The following GRIK3 variants were observed in gnomAD, a reference collection of about 807,000 sequenced individuals.
GRIK3 encodes glutamate ionotropic receptor kainate type subunit 3.
GRIK3 carries 29 observed loss-of-function variants against 102.5 expected under a neutral mutation model. That is an observed-to-expected ratio of 0.28 (90% confidence interval 0.21 to 0.39). The LOEUF (loss-of-function observed/expected upper bound fraction) is 0.39, where lower values mean the gene tolerates loss of function less well. Among genes scored for constraint, GRIK3 ranks in the 10% least tolerant of loss-of-function variants. The pLI is 1.00. For missense variants in GRIK3, 908 were observed against 1,252.4 expected (o/e 0.73, Z 4.15); for synonymous variants, 511 against 504.9 (o/e 1.01, Z -0.16).
At chr1:36,965,158 C>A (rs1642065931) in intron 1 of GRIK3, among the ~76,000 whole-genome samples, 1 of 152,160 alleles carries the variant, frequency 6.6e-6, no homozygotes, top group African/African-American at 2.4e-5. Flanking sequence ...CCATCCTAGA[C>A]TTCTATTTCC....
At chr1:36,974,940 A>C (rs1642180217) in intron 1 of GRIK3, among the ~76,000 whole-genome samples, 1 of 152,376 alleles carries the variant, frequency 6.6e-6, no homozygotes, top group Middle Eastern at 3.4e-3. Flanking sequence ...AGGTACCTAG[A>C]ATAGGCACCT....
rs200805108 is a variant in GRIK3, at chr1:37,034,025, G to T, written c.84C>A (p.Asp28Glu). 6.6e-4 allele frequency: 1,051 copies of T among 1,602,832 alleles called. 3 individuals carry two copies. The African/African-American group carries it at 7.3e-3, about 11-fold the overall frequency. ...GGATGACGTGGGGCATCCCGCGCGAGTCCGGGATCCAGAAGGCGCACACGA... is the reference window on the plus strand; with the variant it reads ...GGATGACGTGGGGCATCCCGCGCGATTCCGGGATCCAGAAGGCGCACACGA... ...GLLVCAFWIP[D>E]SRGMPHVIRI... The change falls in exon 1 of 16, where the codon GAC becomes GAA. Residue 28 changes from aspartate to glutamate, a missense_variant. Asp to Glu is a conservative substitution (Grantham distance 45). Coordinates refer to ENST00000373091, the MANE Select transcript of GRIK3 (RefSeq NM_000831.4).
Position 36,833,303 on chromosome 1 carries a change from C to G in GRIK3, c.1531-7477G>C, listed in dbSNP as rs547896693. 4.6e-5 allele frequency among the ~76,000 whole-genome samples: 7 copies of G among 152,260 alleles called. No homozygotes were observed. The East Asian group carries it at 1.4e-3, about 29-fold the overall frequency. On this transcript the variant is annotated intron_variant, in intron 10 of 15. Coordinates refer to ENST00000373091, the MANE Select transcript of GRIK3 (RefSeq NM_000831.4). ...TTAGAGCCTGCTGCTTGTGCCCTGGCCCCGGATGAACCCACCTGAACATTG... is the reference window on the plus strand; with the variant it reads ...TTAGAGCCTGCTGCTTGTGCCCTGGGCCCGGATGAACCCACCTGAACATTG...
chr1:36,977,054 C>A (rs1398857861), intron 1 of GRIK3, among the ~76,000 whole-genome samples: 1 of 152,094 alleles, frequency 6.6e-6, no homozygotes, highest in East Asian at 1.9e-4. Flanking sequence ...GCTGTCAGTC[C>A]CCTCCCCTCC....
chr1:36,813,039 CTTCACT>C (rs1341408547), intron 13 of GRIK3, among the ~76,000 whole-genome samples: 1 of 152,192 alleles, frequency 6.6e-6, no homozygotes, highest in Non-Finnish European at 1.5e-5. Flanking sequence ...CTGACTGTGG[CTTCACT>C]TTTCCCCAAC....
chr1:36,824,505 C>A (rs895678639), intron 11 of GRIK3, among the ~76,000 whole-genome samples: 2 of 152,128 alleles, frequency 1.3e-5, no homozygotes, highest in African/African-American at 4.8e-5. Flanking sequence ...TCCCTTTGGT[C>A]TCTCACAGCG....
chr1:36,856,329 G>A (rs1022244891), intron 7 of GRIK3, among the ~76,000 whole-genome samples: 1 of 152,246 alleles, frequency 6.6e-6, no homozygotes, highest in Non-Finnish European at 1.5e-5. Context: ...CTGTGGGCGG[G>A]TGGACAGGGC....
At position 36,880,902 on chromosome 1, in the gene GRIK3, G is replaced by T; in HGVS notation, c.293-11C>A. 6.3e-7 allele frequency: 1 copy of T among 1,593,936 alleles called. No homozygotes were observed. Among genetic ancestry groups the T allele is most frequent in the South Asian group, 1.1e-5 (1 of 89,270 alleles). ...CCAGCTGGTCACAGGCTGCAACAGA[G>T]GGTAGGGCAGCACAGGGGTCAGCAC... On this transcript the variant is annotated splice_polypyrimidine_tract_variant and intron_variant, in intron 2 of 15. Coordinates refer to ENST00000373091, the MANE Select transcript of GRIK3 (RefSeq NM_000831.4). This position sits in a 1 kb window ranked among gnomAD's most constrained non-coding sequence, Gnocchi z 5.4.
intron 1 of GRIK3, among the ~76,000 whole-genome samples, chr1:36,922,380 C>T (rs946206388): frequency 6.6e-6 from 1 of 152,218 alleles, no homozygotes; most frequent in Non-Finnish European, 1.5e-5. Context: ...CCCCAAGCTC[C>T]TGGAAGTTCT....
intron 1 of GRIK3, among the ~76,000 whole-genome samples, chr1:36,958,506 G>A (rs1433312383): frequency 6.7e-6 from 1 of 150,090 alleles, no homozygotes; most frequent in Non-Finnish European, 1.5e-5. Context: ...TGTGCTCCAT[G>A]AGTCTGTGCC....
intron 1 of GRIK3, among the ~76,000 whole-genome samples, chr1:37,007,738 C>T (rs1202133459): frequency 2.0e-5 from 3 of 152,210 alleles, no homozygotes; most frequent in Non-Finnish European, 2.9e-5. Context: ...TACTTCATGG[C>T]TGAAGAATGG....
chr1:36,812,648 G>A (rs1470427998), intron 13 of GRIK3, among the ~76,000 whole-genome samples: 2 of 151,996 alleles, frequency 1.3e-5, no homozygotes, highest in Non-Finnish European at 2.9e-5. Flanking sequence ...CTGGAATGAT[G>A]GGTCTGCAGG....
At position 36,960,029 on chromosome 1, in the gene GRIK3, C is replaced by T. The variant is rs188481721; in HGVS notation, c.116-68933G>A. The stretch of plus-strand genomic sequence containing the variant: ...TGTGTGCCCCATAAGTCTGTGTGCC[C>T]CGCGAGTCTGTGTGCCCTGTGAGCC... On this transcript the variant is annotated intron_variant, in intron 1 of 15. Transcript: ENST00000373091. Among the ~76,000 whole-genome samples the T allele has an allele frequency of 8.4e-5, 10 of 119,092 alleles. No homozygotes were observed. The South Asian group carries it at 1.2e-3, about 15-fold the overall frequency. 78.1% of individuals were successfully genotyped at this position (119,092 alleles called of 152,430 possible).
At chr1:36,810,113 C>T (rs1263964450) in intron 13 of GRIK3, among the ~76,000 whole-genome samples, 1 of 152,110 alleles carries the variant, frequency 6.6e-6, no homozygotes, top group African/African-American at 2.4e-5. Flanking sequence ...GATTCTGGGG[C>T]ACAACCCTGT....
At chr1:36,945,320 G>A (rs1052170603) in intron 1 of GRIK3, among the ~76,000 whole-genome samples, 1 of 152,260 alleles carries the variant, frequency 6.6e-6, no homozygotes, top group African/African-American at 2.4e-5. Flanking sequence ...AGTGGAGGTT[G>A]TGGGGAGTGA....
chr1:36,821,194 T>A (rs1476679921), intron 11 of GRIK3, among the ~76,000 whole-genome samples: 1 of 152,234 alleles, frequency 6.6e-6, no homozygotes, highest in Non-Finnish European at 1.5e-5. Context: ...TTTATTTTCA[T>A]GAAGCGGGAA....
At chr1:37,011,264 C>G (rs1024356486) in intron 1 of GRIK3, among the ~76,000 whole-genome samples, 2 of 152,174 alleles carry the variant, frequency 1.3e-5, no homozygotes, top group Non-Finnish European at 2.9e-5. Flanking sequence ...CGGTTCTTGT[C>G]TTGTAACATT....
intron 1 of GRIK3, among the ~76,000 whole-genome samples, chr1:36,921,957 CCCAGA>C (rs1641478455): frequency 6.6e-6 from 1 of 152,152 alleles, no homozygotes; most frequent in Non-Finnish European, 1.5e-5. Context: ...TCAATGTTCT[CCCAGA>C]CAGGAATGCT....
intron 1 of GRIK3, among the ~76,000 whole-genome samples, chr1:36,893,986 A>T (rs745898263): frequency 6.6e-6 from 1 of 152,182 alleles, no homozygotes. Context: ...ATTTTTTCCA[A>T]TTAAACCTTT....
Sources: allele counts gnomAD v4.1 joint callset (sites outside exome capture counted in the v4.1 genomes callset), GRCh38; gene constraint gnomAD v4.1.1; non-coding constraint Gnocchi (gnomAD v3.1); transcripts MANE v1.5; gene names NCBI Gene and HGNC (gene_info 2026-07-23, HGNC 2026-07-21).